TRPA1: variants seen among roughly 807,000 people sequenced by gnomAD.
TRPA1 encodes ankyrin-like with transmembrane domains 1.
TRPA1 carries 129 observed loss-of-function variants against 131.3 expected under a neutral mutation model. That is an observed-to-expected ratio of 0.98 (90% CI 0.85 to 1.14). The LOEUF is 1.14. TRPA1 is among the 50% of genes most tolerant of loss of function. The pLI is 0.00. For missense variants in TRPA1, 1,304 were observed against 1,354.2 expected (o/e 0.96, Z 0.58); for synonymous variants, 441 against 451.7 (o/e 0.98, Z 0.30).
chr8:72,035,649 T>G (rs996731990), intron 21 of TRPA1, among the ~76,000 whole-genome samples: 1 of 152,140 alleles, frequency 6.6e-6, no homozygotes. Context: ...TTTTTCCCTG[T>G]CTAGAATTAG....
At chr8:72,060,210 C>T (rs1805774563) in intron 7 of TRPA1, among the ~76,000 whole-genome samples, 1 of 151,718 alleles carries the variant, frequency 6.6e-6, no homozygotes, top group African/African-American at 2.4e-5. Context: ...AAGATAATTT[C>T]TCATTATGCA....
chr8:72,062,515 C>T (rs761452949), intron 6 of TRPA1, among the ~76,000 whole-genome samples: 4 of 152,134 alleles, frequency 2.6e-5, no homozygotes, highest in Non-Finnish European at 5.9e-5. Context: ...TGAACATTAT[C>T]ATCTTCTGAG....
chr8:72,024,571 T>A (rs34130637), intron 25 of TRPA1, among the ~76,000 whole-genome samples: 1 of 151,826 alleles, frequency 6.6e-6, no homozygotes, highest in African/African-American at 2.4e-5. Flanking sequence ...GCTAATGAAT[T>A]GTGCTGACAT....
chr8:72,087,027 A>AT, the TRPA1 span, among the ~76,000 whole-genome samples: 6 of 151,876 alleles, frequency 4.0e-5, no homozygotes, highest in African/African-American at 1.2e-4. Context: ...CTTTCTTTTA[A>AT]TTTTTTTTAT....
At chr8:72,037,193 T>C (rs544917801) in intron 20 of TRPA1, among the ~76,000 whole-genome samples, 14 of 152,294 alleles carry the variant, frequency 9.2e-5, no homozygotes, top group Middle Eastern at 3.4e-3. Flanking sequence ...CAATGTATAA[T>C]ATTTAAAAAA....
At chr8:72,048,539 G>C (rs1460281028) in intron 15 of TRPA1, among the ~76,000 whole-genome samples, 1 of 152,062 alleles carries the variant, frequency 6.6e-6, no homozygotes, top group Non-Finnish European at 1.5e-5. Flanking sequence ...GTGCAAGGCA[G>C]AAACAGGCAG....
intron 17 of TRPA1, 112 bp from the exon 18 acceptor site, chr8:72,039,909 A>G (rs1812193707): frequency 1.3e-6 from 1 of 768,662 alleles, no homozygotes; most frequent in Non-Finnish European, 2.2e-6. Flanking sequence ...TAAAAGTAAC[A>G]CCTATTTTAG....
chr8:72,023,618 C>CTGA, intron 26 of TRPA1, 196 bp downstream of exon 26: 1 of 512,458 alleles, frequency 2.0e-6, no homozygotes. Flanking sequence ...GGAAGGCAAA[C>CTGA]TGATTGGTGA....
At chr8:72,069,304 A>G in intron 2 of TRPA1, 106 bp from the exon 3 acceptor site, 2 of 1,129,544 alleles carry the variant, frequency 1.8e-6, no homozygotes, top group Non-Finnish European at 2.6e-6. Context: ...AAATGAAATC[A>G]GCTGCATCTT....
chr8:72,082,187 A>T, the TRPA1 span, among the ~76,000 whole-genome samples: 2 of 151,930 alleles, frequency 1.3e-5, no homozygotes, highest in African/African-American at 4.8e-5. Context: ...AACTTATTAC[A>T]GTCTACTTTA....
Position 72,053,803 on chromosome 8 carries a change from C to T in TRPA1, c.1594G>A (p.Val532Ile), listed in dbSNP as rs780228491. The T allele has an allele frequency of 1.1e-5, 17 of 1,612,468 alleles. No homozygotes were observed. The East Asian group carries it at 3.6e-4, about 34-fold the overall frequency. ...CACTTCAAATTAGTATCAAGAATGA[C>T]CTTCATGGTCTGAGTGTACCCGCCC... Reference protein sequence around the residue: ...SMGGYTQTMKVILDTNLKCTD... With the variant: ...SMGGYTQTMKIILDTNLKCTD... The change falls in exon 13 of 27, where the codon GTC becomes ATC. Residue 532 changes from valine to isoleucine, a missense_variant. Transcript: ENST00000262209.
At chr8:72,034,132 T>C in intron 22 of TRPA1, 116 bp downstream of exon 22, 1 of 1,149,290 alleles carries the variant, frequency 8.7e-7, no homozygotes, top group Non-Finnish European at 1.2e-6. Context: ...AAAACTAAAG[T>C]ATTTGAATAC....
the TRPA1 span, among the ~76,000 whole-genome samples, chr8:72,080,648 AT>A: frequency 0.084 from 12,744 of 151,544 alleles, 770 homozygotes; most frequent in African/African-American, 0.17. Flanking sequence ...TATTGGTATT[AT>A]TTTTTTTAAA....
Position 72,071,750 on chromosome 8 carries a change from C to T in TRPA1, c.229G>A (p.Glu77Lys). Reference sequence around the variant, plus strand: ...TCTCTGGTGATCTTCTCCATTAGCTCAATTTGGCCTTCTGCTGCAGCATAA... The same window carrying T: ...TCTCTGGTGATCTTCTCCATTAGCTTAATTTGGCCTTCTGCTGCAGCATAA... ...LHYAAAEGQI[E>K]LMEKITRDSS... Residue 77 changes from glutamate to lysine, a missense_variant, in exon 2 of 27, where the codon GAG becomes AAG. Glu to Lys is a moderately conservative substitution (Grantham distance 56). Coordinates refer to ENST00000262209, the MANE Select transcript of TRPA1 (RefSeq NM_007332.3). 3.1e-6 allele frequency: 5 copies of T among 1,613,732 alleles called. No homozygotes were observed. The highest frequency in any genetic ancestry group is 4.2e-6 in the Non-Finnish European group (5 of 1,179,860).
rs746042057 is a variant in TRPA1 at position 72,039,776 on chromosome 8, T to A, written c.2083A>T (p.Ile695Leu). 4.3e-6 allele frequency: 7 copies of A among 1,609,968 alleles called. No homozygotes were observed. In the East Asian group the frequency reaches 1.6e-4, roughly 36 times the overall value. The stretch of plus-strand genomic sequence containing the variant: ...CACACAGGATGATTGAGAAGCTCTA[T>A]GCGGTTATTTTGTACCATTGCCTGA... ...ALNAMVQNNRIELLNHPVCKE... is the reference protein window; with the variant it reads ...ALNAMVQNNRLELLNHPVCKE... The change falls in exon 18 of 27, where the codon ATA becomes TTA. Residue 695 changes from isoleucine to leucine, a missense_variant. Ile to Leu is a conservative substitution (Grantham distance 5). Transcript: ENST00000262209.
At chr8:72,059,506 A>G in intron 7 of TRPA1, 68 bp from the exon 8 acceptor site, 1 of 971,292 alleles carries the variant, frequency 1.0e-6, no homozygotes, top group Non-Finnish European at 1.6e-6. Context: ...TATTTAATAA[A>G]GCTACTATAT....
chr8:72,075,785 G>A (rs958130742), upstream of TRPA1, among the ~76,000 whole-genome samples: 1 of 152,118 alleles, frequency 6.6e-6, no homozygotes, highest in African/African-American at 2.4e-5. Context: ...AGCGTGTCAG[G>A]TCGGGGTGGA....
At chr8:72,057,503 GA>G (rs1315475408) in intron 9 of TRPA1, among the ~76,000 whole-genome samples, 3 of 152,292 alleles carry the variant, frequency 2.0e-5, no homozygotes, top group Admixed American at 6.5e-5. Flanking sequence ...CTATTGTTCT[GA>G]AATTATCTTT....
At chr8:72,050,951 C>A in intron 14 of TRPA1, 80 bp from the exon 15 acceptor site, 1 of 1,057,888 alleles carries the variant, frequency 9.5e-7, no homozygotes. Context: ...AAGATTATTT[C>A]TTTAGGGGAA....
Sources: gnomAD v4.1 joint callset for allele counts (sites outside exome capture counted in the v4.1 genomes callset) on GRCh38, gnomAD v4.1.1 for gene constraint, MANE v1.5 for transcripts, NCBI Gene and HGNC (gene_info 2026-07-23, HGNC 2026-07-21) for gene names.